Variants in SORCS3 observed in about 807,000 individuals in gnomAD.
SORCS3 encodes the protein VPS10 domain-containing receptor SorCS3.
Under a neutral mutation model 146.3 loss-of-function variants are expected in SORCS3, and 57 were observed. That is an observed-to-expected ratio of 0.39 (90% CI 0.31 to 0.49). The LOEUF is 0.49. Ranked by LOEUF, SORCS3 falls within the 20% of genes least tolerant of loss-of-function variation. The probability of loss-of-function intolerance (pLI) is 0.92; values close to 1 mark genes in which losing one functional copy is unlikely to be tolerated. For missense variants in SORCS3, 1,341 were observed against 1,575.5 expected (o/e 0.85, Z 2.52); for synonymous variants, 653 against 618.5 (o/e 1.06, Z -0.83).
chr10:104,929,962 A>T (rs6584639), intron 3 of SORCS3, among the ~76,000 whole-genome samples: 5 of 152,108 alleles, frequency 3.3e-5, no homozygotes, highest in Non-Finnish European at 7.4e-5. Flanking sequence ...AATAAAGGAC[A>T]GTGACTGATC....
intron 5 of SORCS3, among the ~76,000 whole-genome samples, chr10:105,045,684 C>T (rs962473280): frequency 3.3e-5 from 5 of 152,090 alleles, no homozygotes; most frequent in African/African-American, 1.2e-4. Context: ...TAGAACAAAC[C>T]TTGGCTTAAG....
At chr10:104,665,944 T>C (rs2015770506) in intron 1 of SORCS3, 1 of 152,202 alleles carries the variant, frequency 6.6e-6, no homozygotes, top group Admixed American at 6.5e-5. Context: ...CTTTGATGGA[T>C]GTAGACACTG....
chr10:104,894,324 A>G (rs2018777874), intron 2 of SORCS3, among the ~76,000 whole-genome samples: 1 of 152,224 alleles, frequency 6.6e-6, no homozygotes, highest in Non-Finnish European at 1.5e-5. Context: ...CTGAGATTCA[A>G]CTGTGTGCAA....
intron 6 of SORCS3, among the ~76,000 whole-genome samples, chr10:105,102,447 A>G (rs1299250445): frequency 6.6e-6 from 1 of 152,178 alleles, no homozygotes; most frequent in African/African-American, 2.4e-5. Flanking sequence ...CAAATACCAC[A>G]TGTTCTCATT....
chr10:105,037,276 G>A (rs930324843), intron 4 of SORCS3, among the ~76,000 whole-genome samples: 2 of 152,224 alleles, frequency 1.3e-5, no homozygotes, highest in Non-Finnish European at 2.9e-5. Context: ...TAGCATCTCT[G>A]TCATTGCTGT....
At chr10:104,840,910 G>T (rs1222099232) in intron 1 of SORCS3, among the ~76,000 whole-genome samples, 1 of 81,164 alleles carries the variant, frequency 1.2e-5, no homozygotes, top group African/African-American at 5.1e-5. Flanking sequence ...CTCATTCCTA[G>T]TAGATCAGTT....
intron 5 of SORCS3, among the ~76,000 whole-genome samples, chr10:105,088,834 A>G (rs980479888): frequency 6.6e-6 from 1 of 152,154 alleles, no homozygotes; most frequent in African/African-American, 2.4e-5. Flanking sequence ...TTTCAATTCT[A>G]CTTTCCATTT....
intron 2 of SORCS3, among the ~76,000 whole-genome samples, chr10:104,864,551 C>G (rs756084925): frequency 6.6e-6 from 1 of 152,160 alleles, no homozygotes; most frequent in Non-Finnish European, 1.5e-5. Flanking sequence ...GGGTGATATT[C>G]TCTCTCTTTC....
At chr10:104,702,141 G>A (rs1445191443) in intron 1 of SORCS3, among the ~76,000 whole-genome samples, 1 of 152,172 alleles carries the variant, frequency 6.6e-6, no homozygotes, top group Non-Finnish European at 1.5e-5. Flanking sequence ...CAGACTGCTG[G>A]TGTATACAGT....
intron 3 of SORCS3, among the ~76,000 whole-genome samples, chr10:104,920,165 G>T (rs1330296456): frequency 6.6e-6 from 1 of 152,152 alleles, no homozygotes; most frequent in Non-Finnish European, 1.5e-5. Flanking sequence ...GTGGATTTTT[G>T]AGTTCATCTT....
intron 3 of SORCS3, among the ~76,000 whole-genome samples, chr10:104,952,114 T>C (rs936511315): frequency 6.6e-6 from 1 of 151,478 alleles, no homozygotes; most frequent in African/African-American, 2.4e-5. Context: ...CTTGGACCAG[T>C]AGCATTGACA....
intron 2 of SORCS3, among the ~76,000 whole-genome samples, chr10:104,850,451 G>T (rs1030307941): frequency 6.6e-6 from 1 of 152,198 alleles, no homozygotes; most frequent in Non-Finnish European, 1.5e-5. Flanking sequence ...CAGGCATGGC[G>T]GCATGTGCCT....
chr10:105,116,864 GTAGACCCCGAGGCC>G (rs1316474861), intron 7 of SORCS3, among the ~76,000 whole-genome samples: 1 of 152,064 alleles, frequency 6.6e-6, no homozygotes, highest in Non-Finnish European at 1.5e-5. Flanking sequence ...GAAGGGAATG[GTAGACCCCGAGGCC>G]TACTTAAAAG....
Position 104,856,897 on chromosome 10 carries a change from G to A in SORCS3, c.695+14038G>A, listed in dbSNP as rs1297168642. 4.1e-5 allele frequency among the ~76,000 whole-genome samples: 6 copies of A among 146,094 alleles called. No homozygotes were observed. In the East Asian group the frequency reaches 9.9e-4, roughly 24 times the overall value. ...GAGATATATATAGAGAGAAAGATGA[G>A]GGAAGAGAGTGATAGGGAGAGAGAG... On this transcript the variant is annotated intron_variant, in intron 2 of 26. Transcript: ENST00000369701.
At chr10:105,226,044 AT>A (rs1035969399) in intron 20 of SORCS3, among the ~76,000 whole-genome samples, 1 of 149,512 alleles carries the variant, frequency 6.7e-6, no homozygotes, top group Admixed American at 6.7e-5. Context: ...ATTGGCTTTT[AT>A]TTTTTTTTCT....
At chr10:104,986,239 T>C (rs1378722090) in intron 4 of SORCS3, among the ~76,000 whole-genome samples, 3 of 152,256 alleles carry the variant, frequency 2.0e-5, no homozygotes, top group African/African-American at 4.8e-5. Flanking sequence ...GTTATGGAGA[T>C]GGCTTATTTC....
In SORCS3 at chr10:105,055,160, C is replaced by T. The variant is rs574101882; in HGVS notation, c.1028+12032C>T. Among the ~76,000 whole-genome samples the T allele has an allele frequency of 3.3e-5, 5 of 152,126 alleles. No homozygotes were observed. In the South Asian group the frequency reaches 1.0e-3, roughly 32 times the overall value. On this transcript the variant is annotated intron_variant, in intron 5 of 26. Coordinates refer to ENST00000369701, the MANE Select transcript of SORCS3 (RefSeq NM_014978.3). ...CTACATGTTTTTAATTAATGTTATT[C>T]CTATGAATGTTCAGTTTTGGTGCTA...
At chr10:105,103,025 T>C (rs1451135999) in intron 6 of SORCS3, among the ~76,000 whole-genome samples, 1 of 152,042 alleles carries the variant, frequency 6.6e-6, no homozygotes, top group East Asian at 1.9e-4. Context: ...CCTGACCTCG[T>C]GATCCACCCA....
At chr10:104,806,131 G>A (rs1208328414) in intron 1 of SORCS3, among the ~76,000 whole-genome samples, 1 of 152,162 alleles carries the variant, frequency 6.6e-6, no homozygotes, top group Admixed American at 6.5e-5. Context: ...AGCACAGAGA[G>A]GCCAAGTGTC....
Sources: gnomAD v4.1 joint callset for allele counts (sites outside exome capture counted in the v4.1 genomes callset) on GRCh38, gnomAD v4.1.1 for gene constraint, MANE v1.5 for transcripts, NCBI Gene and HGNC (gene_info 2026-07-23, HGNC 2026-07-21) for gene names.